Variants in CAMK1D observed in about 807,000 individuals in gnomAD.
CAMK1D encodes the protein calcium/calmodulin dependent protein kinase ID, also known as calcium/calmodulin-dependent protein kinase type 1D.
CAMK1D carries 9 observed loss-of-function variants against 47.7 expected under a neutral mutation model. The ratio of observed to expected loss-of-function variants is 0.19; its 90% CI spans 0.11 to 0.33. CAMK1D has a LOEUF of 0.33. Among genes scored for constraint, CAMK1D ranks in the 10% least tolerant of loss-of-function variants. CAMK1D has a pLI of 1.00. For missense variants in CAMK1D, 291 were observed against 488.7 expected (o/e 0.60, Z 3.81); for synonymous variants, 184 against 184.9 (o/e 0.99, Z 0.04).
intron 1 of CAMK1D, among the ~76,000 whole-genome samples, chr10:12,390,748 G>A (rs1305637878): frequency 6.6e-6 from 1 of 152,182 alleles, no homozygotes; most frequent in East Asian, 1.9e-4. Context: ...AAGAGGAAAG[G>A]GGAGCCCAGA....
At chr10:12,722,218 C>T (rs1026461925) in intron 3 of CAMK1D, among the ~76,000 whole-genome samples, 3 of 151,778 alleles carry the variant, frequency 2.0e-5, no homozygotes, top group Admixed American at 6.6e-5. Flanking sequence ...CTGAGGCGGG[C>T]GGATCACGAA....
chr10:12,651,002 C>G (rs1211220042), intron 2 of CAMK1D, among the ~76,000 whole-genome samples: 4 of 152,216 alleles, frequency 2.6e-5, no homozygotes, highest in Non-Finnish European at 5.9e-5. Flanking sequence ...TTCACACATC[C>G]CGACGGGGCT....
chr10:12,430,794 C>A lies in CAMK1D; in HGVS notation c.92+80884C>A, dbSNP rs775418775. On this transcript the variant is annotated intron_variant, in intron 1 of 10. Coordinates refer to ENST00000619168, the MANE Select transcript of CAMK1D (RefSeq NM_153498.4). ...AAGATGGGGTCTTGCTGTGTGGCCC[C>A]GGCTGGAGTGCAGTGGTGCAATCTC... Among the ~76,000 whole-genome samples the A allele has an allele frequency of 2.6e-5, 4 of 152,094 alleles. No homozygotes were observed. In the South Asian group the frequency reaches 8.3e-4, roughly 32 times the overall value.
intron 1 of CAMK1D, among the ~76,000 whole-genome samples, chr10:12,494,881 T>G (rs1834491011): frequency 6.6e-6 from 1 of 152,196 alleles, no homozygotes; most frequent in African/African-American, 2.4e-5. Context: ...GCCTTGAATT[T>G]TCTTGTGACT....
chr10:12,536,220 T>A (rs567023065), intron 1 of CAMK1D, among the ~76,000 whole-genome samples: 3 of 151,466 alleles, frequency 2.0e-5, no homozygotes, highest in Non-Finnish European at 4.4e-5. Context: ...TTGCCATCTT[T>A]GCTTCAGAGT....
intron 1 of CAMK1D, among the ~76,000 whole-genome samples, chr10:12,486,662 T>G (rs1485856198): frequency 6.6e-6 from 1 of 152,200 alleles, no homozygotes; most frequent in African/African-American, 2.4e-5. Context: ...GTTACAAGAT[T>G]TTATAAAAAG....
chr10:12,692,944 G>A (rs571317863), intron 3 of CAMK1D, among the ~76,000 whole-genome samples: 1 of 152,304 alleles, frequency 6.6e-6, no homozygotes, highest in East Asian at 1.9e-4. Context: ...GAGGTATGGT[G>A]CCCGCTTGTT....
intron 3 of CAMK1D, among the ~76,000 whole-genome samples, chr10:12,711,305 A>C (rs762064096): frequency 7.9e-5 from 12 of 152,144 alleles, no homozygotes; most frequent in Non-Finnish European, 8.8e-5. Flanking sequence ...AAGGGGGAAA[A>C]CACAGAGCGA....
intron 6 of CAMK1D, among the ~76,000 whole-genome samples, chr10:12,801,297 GTATCTATCTATCTATCTATC>G (rs1183015885): frequency 1.1e-4 from 10 of 89,898 alleles, no homozygotes; most frequent in African/African-American, 3.7e-4. Flanking sequence ...GTCTGTGTGT[GTATCTATCTATCTATCTATC>G]TATCTATCTA....
chr10:12,734,601 A>G (rs182812077), intron 3 of CAMK1D, among the ~76,000 whole-genome samples: 1 of 149,798 alleles, frequency 6.7e-6, no homozygotes, highest in African/African-American at 2.5e-5. Flanking sequence ...AACCTCTTTG[A>G]CTTGGCTGTA....
intron 10 of CAMK1D, among the ~76,000 whole-genome samples, chr10:12,826,567 C>G (rs1325094712): frequency 6.6e-6 from 1 of 152,178 alleles, no homozygotes; most frequent in Non-Finnish European, 1.5e-5. Flanking sequence ...CCCGTTTGGC[C>G]CTTCCCATGG....
chr10:12,442,845 T>C (rs977586151), intron 1 of CAMK1D, among the ~76,000 whole-genome samples: 3 of 152,238 alleles, frequency 2.0e-5, no homozygotes, highest in Non-Finnish European at 4.4e-5. Context: ...AGAAGCATGT[T>C]AGATGTGAGT....
chr10:12,391,917 A>T (rs1364175672), intron 1 of CAMK1D, among the ~76,000 whole-genome samples: 1 of 152,140 alleles, frequency 6.6e-6, no homozygotes, highest in African/African-American at 2.4e-5. Flanking sequence ...TGAAAATCAG[A>T]TAAATGGTAA....
chr10:12,746,727 G>T (rs890252242), intron 3 of CAMK1D, among the ~76,000 whole-genome samples: 41 of 152,202 alleles, frequency 2.7e-4, no homozygotes, highest in African/African-American at 8.9e-4. Flanking sequence ...ATGAGGCCAT[G>T]CCCTTGTGCC....
At chr10:12,692,606 A>T (rs1375920977) in intron 3 of CAMK1D, among the ~76,000 whole-genome samples, 1 of 152,218 alleles carries the variant, frequency 6.6e-6, no homozygotes, top group African/African-American at 2.4e-5. Flanking sequence ...TCATACAAAT[A>T]AAAGAAAAAA....
chr10:12,438,656 G>A (rs1374083554), intron 1 of CAMK1D, among the ~76,000 whole-genome samples: 2 of 152,210 alleles, frequency 1.3e-5, no homozygotes, highest in East Asian at 3.8e-4. Flanking sequence ...TCTTACCCAG[G>A]AGTGGTGGCT....
intron 1 of CAMK1D, among the ~76,000 whole-genome samples, chr10:12,474,660 A>G (rs1237667022): frequency 6.6e-6 from 1 of 152,042 alleles, no homozygotes; most frequent in Non-Finnish European, 1.5e-5. Context: ...AACTCATATC[A>G]TGGGGGTTTG....
At chr10:12,478,890 A>G (rs1833979699) in intron 1 of CAMK1D, among the ~76,000 whole-genome samples, 1 of 152,204 alleles carries the variant, frequency 6.6e-6, no homozygotes, top group Non-Finnish European at 1.5e-5. Context: ...ATGAATGATA[A>G]TAATAGTCAT....
At chr10:12,749,851 C>A (rs1029541933) in intron 3 of CAMK1D, among the ~76,000 whole-genome samples, 5 of 152,020 alleles carry the variant, frequency 3.3e-5, no homozygotes, top group African/African-American at 1.2e-4. Context: ...CGTTCGGCCT[C>A]CCAAAGTGCT....
Sources: gnomAD v4.1 joint callset for allele counts (sites outside exome capture counted in the v4.1 genomes callset) on GRCh38, gnomAD v4.1.1 for gene constraint, MANE v1.5 for transcripts, NCBI Gene and HGNC (gene_info 2026-07-23, HGNC 2026-07-21) for gene names.